Variants in SMARCA2 observed in about 807,000 individuals in gnomAD.
SMARCA2 encodes the protein SWI/SNF related BAF chromatin remodeling complex subunit ATPase 2.
SMARCA2 carries 61 observed loss-of-function variants against 199.8 expected under a neutral mutation model. The ratio of observed to expected loss-of-function variants is 0.31; its 90% confidence interval spans 0.25 to 0.38. The LOEUF (loss-of-function observed/expected upper bound fraction) is 0.38, where lower values mean the gene tolerates loss of function less well. Among genes scored for constraint, SMARCA2 ranks in the 10% least tolerant of loss-of-function variants. The probability of loss-of-function intolerance (pLI) is 1.00; values close to 1 mark genes in which losing one functional copy is unlikely to be tolerated. For missense variants in SMARCA2, 1,344 were observed against 2,012.2 expected, an observed-to-expected ratio of 0.67 and a Z score of 6.35; for synonymous variants, 935 against 732.0, an observed-to-expected ratio of 1.28 and a Z score of -4.48.
At chr9:2,128,252 G>A (rs945286759) in intron 27 of SMARCA2, among the ~76,000 whole-genome samples, 2 of 152,176 alleles carry the variant, frequency 1.3e-5, no homozygotes, top group Non-Finnish European at 2.9e-5. Flanking sequence ...ATAGCTGCTG[G>A]TCTGCTCCTT....
intron 10 of SMARCA2, 144 bp from the exon 11 acceptor site, chr9:2,073,068 A>G (rs1821160108): frequency 1.1e-6 from 1 of 922,278 alleles, no homozygotes; most frequent in Non-Finnish European, 1.6e-6. Context: ...CTCACCTCCC[A>G]CCAACACTCA....
rs182260598 is a variant in SMARCA2, at chr9:2,025,459, T to G, written c.-36-3528T>G. ...TCCTTCTCCTAACACAAAATAAAAATAGATTTTGTGTGTTATTATGTGAGC... is the reference window on the plus strand; with the variant it reads ...TCCTTCTCCTAACACAAAATAAAAAGAGATTTTGTGTGTTATTATGTGAGC... On this transcript the variant is annotated intron_variant, in intron 1 of 33. Transcript: ENST00000349721. Among the ~76,000 whole-genome samples, 10 of 152,226 alleles carry G rather than the reference T, an allele frequency of 6.6e-5. No homozygotes were observed. In the East Asian group the frequency reaches 1.9e-3, roughly 29 times the overall value.
chr9:2,178,214 C>T (rs1309935319), intron 29 of SMARCA2, among the ~76,000 whole-genome samples: 1 of 152,124 alleles, frequency 6.6e-6, no homozygotes, highest in Non-Finnish European at 1.5e-5. Context: ...TTCTTGTCCA[C>T]CAACACCTGT....
intron 17 of SMARCA2, 79 bp downstream of exon 17, chr9:2,084,275 T>A: frequency 1.4e-6 from 1 of 715,796 alleles, no homozygotes; most frequent in Non-Finnish European, 2.4e-6. Context: ...GTCAGTAGTG[T>A]AATTGGATCC....
At chr9:2,175,260 T>C (rs1037639886) in intron 29 of SMARCA2, among the ~76,000 whole-genome samples, 2 of 152,050 alleles carry the variant, frequency 1.3e-5, no homozygotes, top group African/African-American at 4.8e-5. Context: ...AGCTGAGTGA[T>C]AGCTGACAAA....
At chr9:2,158,927 T>A (rs775250010) in intron 27 of SMARCA2, 2 of 1,611,124 alleles carry the variant, frequency 1.2e-6, no homozygotes, top group East Asian at 4.5e-5. Flanking sequence ...AGGGAAGATG[T>A]TTTGTAGCTC....
chr9:2,036,551 C>T (rs998016206), intron 3 of SMARCA2, among the ~76,000 whole-genome samples: 8 of 152,208 alleles, frequency 5.3e-5, no homozygotes, highest in Non-Finnish European at 1.0e-4. Context: ...TTATGGGATG[C>T]TATTCATGTA....
intron 27 of SMARCA2, chr9:2,159,674 C>A (rs1298080556): frequency 2.0e-6 from 2 of 1,025,504 alleles, no homozygotes; most frequent in East Asian, 2.6e-5. Context: ...AAGGAGGAAG[C>A]CTTCGGGCCT....
intron 19 of SMARCA2, among the ~76,000 whole-genome samples, chr9:2,091,867 T>G (rs1436950966): frequency 1.3e-5 from 2 of 152,210 alleles, no homozygotes; most frequent in Non-Finnish European, 2.9e-5. Flanking sequence ...TGAGCATCTT[T>G]TCATGTGCTT....
In SMARCA2 at chr9:2,086,840, A is replaced by G. The variant is rs1379943735; in HGVS notation, c.2538A>G (p.Lys846=). Residue 846 remains lysine (K), a synonymous_variant, in exon 18 of 34, where the codon AAA becomes AAG. Coordinates refer to ENST00000349721, the MANE Select transcript of SMARCA2 (RefSeq NM_003070.5). The surrounding 1 kb of genome is among the most constrained non-coding windows in gnomAD (Gnocchi z 4.3). The part of the protein sequence containing the change: ...DKHILAKIRW[K]YMIVDEGHRM... The stretch of plus-strand genomic sequence containing the variant: ...CTCTTGTGTTATAGATTCGGTGGAA[A>G]TACATGATAGTGGACGAAGGCCACC... The G allele has an allele frequency of 6.2e-7, 1 of 1,614,020 alleles. No homozygotes were observed. The highest frequency in any genetic ancestry group is 8.5e-7 in the Non-Finnish European group (1 of 1,180,004).
chr9:2,147,652 C>T (rs1235448891), intron 27 of SMARCA2, among the ~76,000 whole-genome samples: 3 of 152,142 alleles, frequency 2.0e-5, no homozygotes, highest in African/African-American at 7.2e-5. Context: ...TCGAGACCAG[C>T]CTGGCCAACA....
At position 2,186,368 on chromosome 9, in the gene SMARCA2, A is replaced by C. The variant is rs113256770; in HGVS notation, c.4594+140A>C. On this transcript the variant is annotated intron_variant, in intron 32 of 33. Coordinates refer to ENST00000349721, the MANE Select transcript of SMARCA2 (RefSeq NM_003070.5). ...TATTCCACTTTGTCCTTGCTGGGCA[A>C]CCGGTGGCCATGTCCTTATCCCTGC... The C allele has an allele frequency of 9.7e-6, 8 of 827,678 alleles. No homozygotes were observed. The African/African-American group carries it at 1.0e-4, about 11-fold the overall frequency. The allele number at this position is 827,678 out of a possible 1,614,324, so 51.3% of individuals were successfully genotyped here. A position where few individuals can be genotyped will look rare whatever the true frequency, so the allele number is the denominator to read the frequency against.
intron 19 of SMARCA2, among the ~76,000 whole-genome samples, chr9:2,091,290 C>T (rs1263120203): frequency 6.6e-6 from 1 of 152,196 alleles, no homozygotes; most frequent in African/African-American, 2.4e-5. Context: ...CTCGTAGCCT[C>T]ATGCAGCCAC....
intron 33 of SMARCA2, chr9:2,191,797 A>T (rs1036446824): frequency 6.3e-6 from 1 of 158,116 alleles, no homozygotes; most frequent in African/African-American, 2.4e-5. Flanking sequence ...AACTGTTATG[A>T]CGTCAGAGTT....
intron 29 of SMARCA2, among the ~76,000 whole-genome samples, chr9:2,179,822 A>ATTT (rs1450422418): frequency 1.3e-5 from 2 of 152,216 alleles, no homozygotes; most frequent in Non-Finnish European, 2.9e-5. Flanking sequence ...TAAATCCGCG[A>ATTT]TTACAAAGAG....
intron 5 of SMARCA2, 151 bp downstream of exon 5, chr9:2,047,635 C>A: frequency 1.0e-6 from 1 of 972,528 alleles, no homozygotes; most frequent in Non-Finnish European, 1.3e-6. Context: ...GGGGCCTTCC[C>A]GGTGCTGAGG....
At chr9:2,160,050 C>T in intron 27 of SMARCA2, 1 of 1,046,340 alleles carries the variant, frequency 9.6e-7, no homozygotes, top group Non-Finnish European at 1.4e-6. Context: ...ATACCATTAA[C>T]TGTTGACAGC....
At chr9:2,026,770 G>A (rs543284383) in intron 1 of SMARCA2, among the ~76,000 whole-genome samples, 2 of 152,208 alleles carry the variant, frequency 1.3e-5, no homozygotes, top group African/African-American at 4.8e-5. Flanking sequence ...ATTGTATCTT[G>A]TAGTAGCCCT....
intron 13 of SMARCA2, among the ~76,000 whole-genome samples, chr9:2,076,730 G>A (rs1250924381): frequency 1.3e-5 from 2 of 151,932 alleles, no homozygotes; most frequent in African/African-American, 4.8e-5. Flanking sequence ...CAGTCTCCCT[G>A]AAACCCAAGT....
Sources: gnomAD v4.1 joint callset for allele counts (sites outside exome capture counted in the v4.1 genomes callset) on GRCh38, gnomAD v4.1.1 for gene constraint, Gnocchi (gnomAD v3.1) non-coding constraint, MANE v1.5 for transcripts, NCBI Gene and HGNC (gene_info 2026-07-23, HGNC 2026-07-21) for gene names.